Variants in JAZF1 observed in about 807,000 individuals in gnomAD.
The protein encoded by JAZF1 is JAZF zinc finger 1, also known as juxtaposed with another zinc finger protein 1.
A neutral mutation model predicts 26.4 loss-of-function variants in JAZF1; 8 were observed. The observed-to-expected ratio is 0.30, with a 90% CI of 0.18 to 0.55. JAZF1 has a LOEUF of 0.55. Among genes scored for constraint, JAZF1 ranks in the 20% least tolerant of loss-of-function variants. JAZF1 has a pLI of 0.94. For missense variants in JAZF1, 199 were observed against 322.0 expected, an observed-to-expected ratio of 0.62 and a Z score of 2.92; for synonymous variants, 126 against 122.3, an observed-to-expected ratio of 1.03 and a Z score of -0.20.
chr7:28,129,435 T>A (rs10248508), intron 1 of JAZF1, among the ~76,000 whole-genome samples: 5,932 of 152,148 alleles, frequency 0.039, 349 homozygotes, highest in African/African-American at 0.13. Flanking sequence ...TGTTGATTCA[T>A]TTGGTGTGAA....
intron 1 of JAZF1, among the ~76,000 whole-genome samples, chr7:28,053,030 T>C (rs1338489311): frequency 6.6e-6 from 1 of 152,226 alleles, no homozygotes; most frequent in Non-Finnish European, 1.5e-5. Context: ...TTTGTTGCTA[T>C]GATTTTGACC....
chr7:28,154,824 A>G (rs1255827887), intron 1 of JAZF1, among the ~76,000 whole-genome samples: 1 of 151,998 alleles, frequency 6.6e-6, no homozygotes, highest in Non-Finnish European at 1.5e-5. Flanking sequence ...GATGCCTACA[A>G]TATTGAAAAA....
intron 1 of JAZF1, among the ~76,000 whole-genome samples, chr7:28,167,026 A>C (rs1260077260): frequency 6.6e-5 from 10 of 152,230 alleles, no homozygotes; most frequent in Non-Finnish European, 1.2e-4. Flanking sequence ...GATGCAAAAA[A>C]AAGGTAAATC....
At chr7:28,101,071 G>T (rs2127927273) in intron 1 of JAZF1, among the ~76,000 whole-genome samples, 1 of 152,270 alleles carries the variant, frequency 6.6e-6, no homozygotes, top group South Asian at 2.1e-4. Flanking sequence ...TACATTTTCA[G>T]AACTGCTTTG....
intron 3 of JAZF1, among the ~76,000 whole-genome samples, chr7:27,846,316 T>C (rs1306171094): frequency 2.1e-5 from 3 of 145,650 alleles, no homozygotes; most frequent in Non-Finnish European, 4.5e-5. Context: ...TTCCATTGTG[T>C]GTGTGTGTAT....
intron 1 of JAZF1, among the ~76,000 whole-genome samples, chr7:28,073,015 T>C (rs946971061): frequency 1.3e-5 from 2 of 152,178 alleles, no homozygotes; most frequent in Non-Finnish European, 2.9e-5. Flanking sequence ...ACTCCAGCCT[T>C]GCCTCAGTAT....
At position 28,180,476 on chromosome 7, in the gene JAZF1, C is replaced by T. The variant is rs779018360; in HGVS notation, c.102G>A (p.Glu34=). ...PTLADLIEHI[E]DNHIDTDPRV... is the part of the protein sequence containing the mutation. Reference sequence around the variant, plus strand: ...CGGGCCATTTACCGATGTGGTTGTCCTCGATGTGCTCGATGAGGTCGGCCA... The same window carrying T: ...CGGGCCATTTACCGATGTGGTTGTCTTCGATGTGCTCGATGAGGTCGGCCA... The change falls in exon 1 of 5, where the codon GAG becomes GAA. Residue 34 remains glutamate (E), a synonymous_variant. Transcript: ENST00000283928. 5.6e-6 allele frequency: 9 copies of T among 1,610,922 alleles called. No homozygotes were observed. Among genetic ancestry groups the T allele is most frequent in the African/African-American group, 4.0e-5 (3 of 74,184 alleles).
chr7:28,030,145 G>T (rs1583518625), intron 1 of JAZF1, among the ~76,000 whole-genome samples: 1 of 152,210 alleles, frequency 6.6e-6, no homozygotes, highest in Non-Finnish European at 1.5e-5. Flanking sequence ...AGGGGCTGGC[G>T]CAGGATGGAG....
chr7:28,086,138 A>G (rs907533059), intron 1 of JAZF1, among the ~76,000 whole-genome samples: 7 of 152,202 alleles, frequency 4.6e-5, no homozygotes, highest in African/African-American at 1.4e-4. Flanking sequence ...ACAATCTGAA[A>G]TGTCAGCACT....
At chr7:28,038,358 T>A (rs1387491200) in intron 1 of JAZF1, among the ~76,000 whole-genome samples, 2 of 152,192 alleles carry the variant, frequency 1.3e-5, no homozygotes, top group Admixed American at 6.5e-5. Flanking sequence ...GGTTTTATGA[T>A]TCTGACACTA....
At chr7:28,104,888 T>C (rs1261460833) in intron 1 of JAZF1, among the ~76,000 whole-genome samples, 2 of 152,216 alleles carry the variant, frequency 1.3e-5, no homozygotes, top group African/African-American at 2.4e-5. Context: ...AGAAATAGTA[T>C]ACCACTTAAC....
At chr7:28,130,488 C>A (rs886884419) in intron 1 of JAZF1, among the ~76,000 whole-genome samples, 1 of 152,148 alleles carries the variant, frequency 6.6e-6, no homozygotes, top group Non-Finnish European at 1.5e-5. Flanking sequence ...TGTGAGTTTA[C>A]GTAACGACCC....
intron 3 of JAZF1, among the ~76,000 whole-genome samples, chr7:27,854,644 A>G (rs1000607460): frequency 1.3e-5 from 2 of 152,184 alleles, no homozygotes; most frequent in African/African-American, 4.8e-5. Context: ...GTTTGGCTGG[A>G]TATGAAATTC....
At chr7:28,081,815 C>A (rs1264088090) in intron 1 of JAZF1, among the ~76,000 whole-genome samples, 3 of 152,154 alleles carry the variant, frequency 2.0e-5, no homozygotes, top group Non-Finnish European at 4.4e-5. Context: ...TGAATTTTCT[C>A]TATTTCTATT....
chr7:27,970,985 C>T (rs1048259369), intron 2 of JAZF1, among the ~76,000 whole-genome samples: 2 of 152,148 alleles, frequency 1.3e-5, no homozygotes, highest in East Asian at 1.9e-4. Flanking sequence ...GCATGGTCAC[C>T]GTGAAGATTC....
At chr7:28,027,978 A>G (rs1413028388) in intron 1 of JAZF1, among the ~76,000 whole-genome samples, 1 of 152,198 alleles carries the variant, frequency 6.6e-6, no homozygotes, top group Non-Finnish European at 1.5e-5. Context: ...AATAGAGCCT[A>G]TTACATTCTA....
intron 3 of JAZF1, chr7:27,844,432 C>G (rs1782981584): frequency 6.6e-6 from 1 of 152,184 alleles, no homozygotes. Context: ...CCAGCAGTCT[C>G]CACACCTTTG....
intron 2 of JAZF1, among the ~76,000 whole-genome samples, chr7:27,962,603 G>A (rs1347701590): frequency 6.6e-6 from 1 of 152,196 alleles, no homozygotes; most frequent in Non-Finnish European, 1.5e-5. Flanking sequence ...CATATTGAAT[G>A]CAGAACTAAC....
At chr7:28,012,372 C>T (rs1221168335) in intron 1 of JAZF1, among the ~76,000 whole-genome samples, 1 of 152,178 alleles carries the variant, frequency 6.6e-6, no homozygotes, top group Non-Finnish European at 1.5e-5. Flanking sequence ...ATCTCCCTAC[C>T]TGACCTTCTG....
Sources: allele counts gnomAD v4.1 joint callset (sites outside exome capture counted in the v4.1 genomes callset), GRCh38; gene constraint gnomAD v4.1.1; transcripts MANE v1.5; gene names NCBI Gene and HGNC (gene_info 2026-07-23, HGNC 2026-07-21).